USP32: variants seen among roughly 807,000 people sequenced by gnomAD.
The protein encoded by USP32 is ubiquitin carboxyl-terminal hydrolase 32.
In USP32, 59 loss-of-function variants were observed where a neutral mutation model predicts 204.8. The observed-to-expected ratio is 0.29, with a 90% CI of 0.23 to 0.36. The LOEUF is 0.36. Among genes scored for constraint, USP32 ranks in the 10% least tolerant of loss-of-function variants. The probability of loss-of-function intolerance (pLI) is 1.00; values close to 1 mark genes in which losing one functional copy is unlikely to be tolerated. For missense variants in USP32, 1,160 were observed against 1,946.4 expected (o/e 0.60, Z 7.60); for synonymous variants, 517 against 678.4 (o/e 0.76, Z 3.70).
chr17:60,212,504 G>A (rs915745736), intron 18 of USP32, among the ~76,000 whole-genome samples: 1 of 151,918 alleles, frequency 6.6e-6, no homozygotes, highest in Non-Finnish European at 1.5e-5. Flanking sequence ...CTGTATACAG[G>A]TCTTTTGTTG....
chr17:60,195,292 C>T (rs2084482443), intron 27 of USP32, among the ~76,000 whole-genome samples: 1 of 152,204 alleles, frequency 6.6e-6, no homozygotes, highest in Admixed American at 6.5e-5. Flanking sequence ...ACTTCCTTCA[C>T]TTAACTCCTG....
rs895011138 is a variant in USP32 at position 60,192,377 on chromosome 17, G to A, written c.3521+467C>T. 3.9e-5 allele frequency among the ~76,000 whole-genome samples: 6 copies of A among 152,320 alleles called. No homozygotes were observed. In the East Asian group the frequency reaches 1.2e-3, roughly 29 times the overall value. On this transcript the variant is annotated intron_variant, in intron 28 of 33. Transcript: ENST00000300896. ...ACAAGCTATGAATTTGGTATGGACT[G>A]TAGTTTATAAAACCAGCTAAATCTC...
chr17:60,384,426 C>T lies in USP32; in HGVS notation c.58+7456G>A, dbSNP rs188436750. On this transcript the variant is annotated intron_variant, in intron 1 of 33. Coordinates refer to ENST00000300896, the MANE Select transcript of USP32 (RefSeq NM_032582.4). ...TTTTAATGCGGTCCAGTGTCTAGTA[C>T]CCCAACAAACATGTTATAGGCAAGG... 1.7e-3 allele frequency among the ~76,000 whole-genome samples: 255 copies of T among 152,276 alleles called. 1 individual carries two copies. The highest frequency in any genetic ancestry group is 5.4e-3 in the African/African-American group (225 of 41,526).
chr17:60,240,464 GGAGA>G (rs200071576), intron 11 of USP32, among the ~76,000 whole-genome samples: 1 of 150,978 alleles, frequency 6.6e-6, no homozygotes, highest in Non-Finnish European at 1.5e-5. Context: ...AGAGAGGGAG[GGAGA>G]GAGAGGAAGA....
chr17:60,183,117 C>T (rs776457270), intron 31 of USP32, 48 bp downstream of exon 31: 6 of 1,541,076 alleles, frequency 3.9e-6, no homozygotes, highest in Admixed American at 2.1e-5. Flanking sequence ...ACATATGTAG[C>T]CTACAGGAGT....
chr17:60,224,501 C>T (rs1324753937), intron 13 of USP32, among the ~76,000 whole-genome samples: 1 of 152,192 alleles, frequency 6.6e-6, no homozygotes. Flanking sequence ...AATAATAACA[C>T]ACGCCAGGAG....
At chr17:60,368,991 A>ATTTTTTTTTTTT (rs758528054) in intron 1 of USP32, among the ~76,000 whole-genome samples, 5 of 114,130 alleles carry the variant, frequency 4.4e-5, no homozygotes, top group Admixed American at 1.7e-4. Flanking sequence ...TTTTTAAAAG[A>ATTTTTTTTTTTT]TTTTTTTTTT....
chr17:60,378,149 A>T (rs2089583378), intron 1 of USP32, among the ~76,000 whole-genome samples: 1 of 152,220 alleles, frequency 6.6e-6, no homozygotes, highest in Non-Finnish European at 1.5e-5. Context: ...TTGAATAGAC[A>T]TGTCTCCAAA....
intron 2 of USP32, among the ~76,000 whole-genome samples, chr17:60,333,775 T>C (rs1328914843): frequency 6.6e-6 from 1 of 151,984 alleles, no homozygotes; most frequent in Non-Finnish European, 1.5e-5. Flanking sequence ...GAAAATACAT[T>C]TTCAGTACTG....
chr17:60,370,838 T>C (rs1384257253), intron 1 of USP32, among the ~76,000 whole-genome samples: 1 of 151,130 alleles, frequency 6.6e-6, no homozygotes, highest in Non-Finnish European at 1.5e-5. Context: ...GCTCAATGCT[T>C]GTAATCCCAG....
Position 60,211,467 on chromosome 17 carries a change from A to AT in USP32, c.2226dup (p.Cys743MetfsTer11). On this transcript the variant is annotated frameshift_variant, in exon 20 of 34. Transcript: ENST00000300896. LOFTEE classifies it high-confidence loss of function. ...CACTGGATGCTTGAGTTCATGAAGC[A>AT]TGTGTTTCCCAGATTGCTTAGACCT... The AT allele has an allele frequency of 6.2e-7, 1 of 1,613,802 alleles. No homozygotes were observed. The highest frequency in any genetic ancestry group is 8.5e-7 in the Non-Finnish European group (1 of 1,179,786).
At chr17:60,417,958 C>CTTTT (rs770082982) in intron 1 of USP32, among the ~76,000 whole-genome samples, 2 of 112,752 alleles carry the variant, frequency 1.8e-5, no homozygotes, top group African/African-American at 7.8e-5. Context: ...TCCGGCTAAT[C>CTTTT]TTTTTTTTTT....
chr17:60,358,367 G>A (rs970858332), intron 1 of USP32, among the ~76,000 whole-genome samples: 1 of 152,008 alleles, frequency 6.6e-6, no homozygotes, highest in Non-Finnish European at 1.5e-5. Context: ...TTGAGGTCAG[G>A]AGTTCGAGGC....
intron 1 of USP32, among the ~76,000 whole-genome samples, chr17:60,358,987 G>C (rs2089147644): frequency 1.3e-5 from 2 of 152,196 alleles, no homozygotes; most frequent in Admixed American, 1.3e-4. Flanking sequence ...AGACACACGA[G>C]AGGTTCCAGC....
intron 2 of USP32, among the ~76,000 whole-genome samples, chr17:60,312,230 A>C (rs1288192540): frequency 6.6e-6 from 1 of 152,218 alleles, no homozygotes; most frequent in Non-Finnish European, 1.5e-5. Flanking sequence ...GTTTGAAGTC[A>C]CTTTGTTAAC....
rs542584694 is a variant in USP32, at chr17:60,371,244, T to G, written c.58+20638A>C. Among the ~76,000 whole-genome samples, 29 of 126,354 alleles carry G rather than the reference T, an allele frequency of 2.3e-4. 2 individuals carry two copies. The South Asian group carries it at 7.1e-3, about 31-fold the overall frequency. The allele number at this position is 126,354 out of a possible 152,430, so 82.9% of individuals were successfully genotyped here. ...CTGAGCAACAGGGGAAGACTCTGTC[T>G]CTAAAAATTAAAAAAAAAAAAAAAA... On this transcript the variant is annotated intron_variant, in intron 1 of 33. Transcript: ENST00000300896.
intron 1 of USP32, among the ~76,000 whole-genome samples, chr17:60,390,642 T>G (rs2089817418): frequency 6.6e-6 from 1 of 152,232 alleles, no homozygotes; most frequent in African/African-American, 2.4e-5. Flanking sequence ...GATGGTCAAC[T>G]GAACTTACCC....
chr17:60,383,881 T>C (rs1383784791), intron 1 of USP32, among the ~76,000 whole-genome samples: 3 of 152,202 alleles, frequency 2.0e-5, no homozygotes, highest in African/African-American at 7.2e-5. Flanking sequence ...AAATTAATTA[T>C]AGACTTTAAA....
At position 60,239,671 on chromosome 17, in the gene USP32, C is replaced by CT. The variant is rs1472179353; in HGVS notation, c.1137-3432dup. Among the ~76,000 whole-genome samples the CT allele has an allele frequency of 2.6e-5, 4 of 152,246 alleles. No homozygotes were observed. The East Asian group carries it at 7.7e-4, about 29-fold the overall frequency. ...AAAACCTGTTTGGTTCCTTTTTATACTTTCTCTTTATTGATACTCTATTTG... is the reference window on the plus strand; with the variant it reads ...AAAACCTGTTTGGTTCCTTTTTATACTTTTCTCTTTATTGATACTCTATTTG... On this transcript the variant is annotated intron_variant, in intron 11 of 33. Coordinates refer to ENST00000300896, the MANE Select transcript of USP32 (RefSeq NM_032582.4).
Sources: allele counts gnomAD v4.1 joint callset (sites outside exome capture counted in the v4.1 genomes callset), GRCh38; gene constraint gnomAD v4.1.1; transcripts MANE v1.5; gene names NCBI Gene and HGNC (gene_info 2026-07-23, HGNC 2026-07-21).